The following SBF2 variants were observed in gnomAD, a reference collection of about 807,000 sequenced individuals.
SBF2 encodes the protein SET binding factor 2.
A neutral mutation model predicts 225.2 loss-of-function variants in SBF2; 112 were observed. The observed-to-expected ratio is 0.50, with a 90% confidence interval of 0.43 to 0.58. SBF2 has a LOEUF of 0.58. SBF2 is among the 20% of genes least tolerant of loss of function. The pLI is 0.00. For missense variants in SBF2, 1,996 were observed against 2,206.2 expected, an observed-to-expected ratio of 0.90 and a Z score of 1.91; for synonymous variants, 763 against 773.3, an observed-to-expected ratio of 0.99 and a Z score of 0.22.
chr11:10,299,427 T>C (rs549618704), intron 1 of SBF2, among the ~76,000 whole-genome samples: 34 of 151,726 alleles, frequency 2.2e-4, no homozygotes, highest in Non-Finnish European at 4.6e-4. Context: ...TCATTTGAAG[T>C]ACCCCTGACA....
At chr11:10,227,639 C>T (rs1385551701) in intron 1 of SBF2, among the ~76,000 whole-genome samples, 7 of 152,024 alleles carry the variant, frequency 4.6e-5, no homozygotes, top group Admixed American at 3.9e-4. Flanking sequence ...TGTAGATATG[C>T]GGCATTATTT....
chr11:10,012,721 T>A (rs1590753548), intron 6 of SBF2, among the ~76,000 whole-genome samples: 1 of 152,294 alleles, frequency 6.6e-6, no homozygotes, highest in East Asian at 1.9e-4. Context: ...TGCTTTTTGG[T>A]AAAAATTGGA....
intron 1 of SBF2, among the ~76,000 whole-genome samples, chr11:10,228,176 C>G (rs768018107): frequency 1.4e-4 from 21 of 152,116 alleles, no homozygotes; most frequent in Non-Finnish European, 2.2e-4. Flanking sequence ...GATTTTGTAT[C>G]CTGAGACTTT....
intron 2 of SBF2, among the ~76,000 whole-genome samples, chr11:10,084,966 A>G (rs1353897544): frequency 6.6e-6 from 1 of 152,166 alleles, no homozygotes; most frequent in Non-Finnish European, 1.5e-5. Context: ...ATGGTAAAAA[A>G]TTTGTTAATG....
intron 2 of SBF2, among the ~76,000 whole-genome samples, chr11:10,168,989 G>T (rs1452639210): frequency 6.6e-6 from 1 of 152,060 alleles, no homozygotes; most frequent in Non-Finnish European, 1.5e-5. Context: ...TTCTTTTGAA[G>T]AGCATTTAAT....
chr11:9,852,274 G>C (rs1857012552), intron 21 of SBF2, among the ~76,000 whole-genome samples: 1 of 151,932 alleles, frequency 6.6e-6, no homozygotes, highest in Non-Finnish European at 1.5e-5. Flanking sequence ...CTTTCCAGCT[G>C]TTTGGGATGT....
intron 31 of SBF2, chr11:9,808,454 T>C (rs767126783): frequency 5.7e-6 from 3 of 522,876 alleles, no homozygotes; most frequent in Non-Finnish European, 1.0e-5. Context: ...AGCAACCTTT[T>C]CCTAAGTTAA....
rs1292844145 is a variant in SBF2, at chr11:10,207,314, A to G, written c.56-13327T>C. Among the ~76,000 whole-genome samples the G allele has an allele frequency of 2.0e-5, 3 of 152,144 alleles. No individual in the cohort carries two copies. The East Asian group carries it at 5.8e-4, about 29-fold the overall frequency. On this transcript the variant is annotated intron_variant, in intron 1 of 39. Transcript: ENST00000256190. Reference sequence around the variant, plus strand: ...AAAAAAACAAAGCAAAAAAAACTACACTAACATTGAAGATTGGCTGAAGGA... The same window carrying G: ...AAAAAAACAAAGCAAAAAAAACTACGCTAACATTGAAGATTGGCTGAAGGA...
At position 10,088,223 on chromosome 11, in the gene SBF2, C is replaced by T. The variant is rs1251487620; in HGVS notation, c.142-45242G>A. ...TATTTTTAGTAAAGACAAGGTTTTG[C>T]CATGTTGCCCAGGCTGGTCTCAAAC... is the stretch of plus-strand genomic sequence containing the variant. On this transcript the variant is annotated intron_variant, in intron 2 of 39. Coordinates refer to ENST00000256190, the MANE Select transcript of SBF2 (RefSeq NM_030962.4). Among the ~76,000 whole-genome samples, 3 of 151,888 alleles carry T rather than the reference C, an allele frequency of 2.0e-5. No individual in the cohort carries two copies. The East Asian group carries it at 5.8e-4, about 29-fold the overall frequency.
At chr11:10,143,323 C>T (rs566083161) in intron 2 of SBF2, among the ~76,000 whole-genome samples, 1 of 152,088 alleles carries the variant, frequency 6.6e-6, no homozygotes, top group South Asian at 2.1e-4. Flanking sequence ...AGGTGTGCGC[C>T]CACTACGCCT....
chr11:10,027,925 A>G (rs1239244140), intron 6 of SBF2, among the ~76,000 whole-genome samples: 4 of 152,200 alleles, frequency 2.6e-5, no homozygotes, highest in African/African-American at 9.7e-5. Flanking sequence ...ATCTTTTAGC[A>G]TAAAGAAAAT....
At chr11:9,783,942 A>G (rs1852199771) in intron 38 of SBF2, among the ~76,000 whole-genome samples, 1 of 152,180 alleles carries the variant, frequency 6.6e-6, no homozygotes, top group South Asian at 2.1e-4. Context: ...GCGAGGACGA[A>G]GGTAACTTGT....
intron 1 of SBF2, among the ~76,000 whole-genome samples, chr11:10,239,919 T>C (rs1177983899): frequency 6.6e-6 from 1 of 152,136 alleles, no homozygotes; most frequent in Non-Finnish European, 1.5e-5. Context: ...AAGAACAGCA[T>C]GAATAAAATT....
chr11:10,002,504 G>A (rs1948012739), intron 7 of SBF2, 53 bp downstream of exon 7: 12 of 1,414,262 alleles, frequency 8.5e-6, no homozygotes, highest in South Asian at 1.2e-5. Flanking sequence ...ACTTATCAAC[G>A]ATAAGTGATA....
chr11:10,096,785 T>C lies in SBF2; in HGVS notation c.142-53804A>G, dbSNP rs1402296244. Among the ~76,000 whole-genome samples the C allele has an allele frequency of 5.3e-5, 8 of 152,214 alleles. No individual in the cohort carries two copies. The East Asian group carries it at 1.5e-3, about 29-fold the overall frequency. ...TGCAATGAGTCATTACTTTTTCTCA[T>C]AAAACTTAAGGGAAAATATTCTCTT... is the stretch of plus-strand genomic sequence containing the variant. On this transcript the variant is annotated intron_variant, in intron 2 of 39. Coordinates refer to ENST00000256190, the MANE Select transcript of SBF2 (RefSeq NM_030962.4).
intron 16 of SBF2, among the ~76,000 whole-genome samples, chr11:9,918,563 G>A (rs1590441529): frequency 6.6e-6 from 1 of 151,848 alleles, no homozygotes; most frequent in African/African-American, 2.4e-5. Context: ...GCAGAGACAA[G>A]GTTTTGCCAT....
chr11:9,983,610 C>T (rs1295405498), intron 13 of SBF2, among the ~76,000 whole-genome samples: 1 of 152,188 alleles, frequency 6.6e-6, no homozygotes, highest in East Asian at 1.9e-4. Flanking sequence ...CACCTCCTGA[C>T]AGGAGGCCAA....
intron 2 of SBF2, among the ~76,000 whole-genome samples, chr11:10,166,849 C>G (rs116394154): frequency 6.6e-6 from 1 of 151,970 alleles, no homozygotes; most frequent in Admixed American, 6.6e-5. Context: ...GTAGTCCCAG[C>G]CACTCAGGAG....
intron 16 of SBF2, among the ~76,000 whole-genome samples, chr11:9,903,999 C>G (rs1002145076): frequency 6.6e-6 from 1 of 152,110 alleles, no homozygotes; most frequent in Non-Finnish European, 1.5e-5. Context: ...CAATTTATCA[C>G]TTTTAGAGAG....
Sources: allele counts gnomAD v4.1 joint callset (sites outside exome capture counted in the v4.1 genomes callset), GRCh38; gene constraint gnomAD v4.1.1; transcripts MANE v1.5; gene names NCBI Gene and HGNC (gene_info 2026-07-23, HGNC 2026-07-21).